Variants in TRAF5 observed in about 807,000 individuals in gnomAD.
TRAF5 encodes TNF receptor-associated factor 5.
Under a neutral mutation model 64.5 loss-of-function variants are expected in TRAF5, and 48 were observed. That is an observed-to-expected ratio of 0.74 (90% CI 0.59 to 0.95). The LOEUF (loss-of-function observed/expected upper bound fraction) is 0.95. Among genes scored for constraint, TRAF5 ranks in the 40% least tolerant of loss-of-function variants. The pLI is 0.00. For missense variants in TRAF5, 545 were observed against 662.8 expected (o/e 0.82, Z 1.95); for synonymous variants, 206 against 240.5 (o/e 0.86, Z 1.33).
intron 9 of TRAF5, 137 bp downstream of exon 9, chr1:211,369,729 G>T: frequency 9.9e-7 from 1 of 1,006,828 alleles, no homozygotes; most frequent in Non-Finnish European, 1.4e-6. Flanking sequence ...AAGAACACTT[G>T]TATAACCTCC....
chr1:211,358,159 CT>C (rs1414365368), intron 4 of TRAF5: 2 of 152,192 alleles, frequency 1.3e-5, no homozygotes, highest in African/African-American at 4.8e-5. Flanking sequence ...AAGGTTTTCA[CT>C]GAGATATGCC....
At position 211,371,316 on chromosome 1, in the gene TRAF5, C is replaced by T. The variant is rs1157936994; in HGVS notation, c.945C>T (p.His315=). The change falls in exon 10 of 11, where the codon CAC becomes CAT. Residue 315 remains histidine (H), a synonymous_variant. Coordinates refer to ENST00000261464, the MANE Select transcript of TRAF5 (RefSeq NM_001033910.3). ...FLPNIQVFAS[H]IDKSAWLEAQ... ...TGTAATGAAAGGTTTTTGCCAGTCA[C>T]ATTGACAAGTCAGCTTGGCTAGAAG... The T allele has an allele frequency of 1.3e-6, 2 of 1,587,298 alleles. No individual in the cohort carries two copies. The highest frequency in any genetic ancestry group is 1.2e-5 in the South Asian group (1 of 85,202).
intron 1 of TRAF5, among the ~76,000 whole-genome samples, chr1:211,339,982 C>T (rs1047851038): frequency 2.0e-5 from 3 of 152,168 alleles, no homozygotes; most frequent in East Asian, 1.9e-4. Context: ...GGTGGGGCAC[C>T]GCTAGAATGA....
intron 8 of TRAF5, 26 bp from the exon 9 acceptor site, chr1:211,369,426 A>AT (rs758786461): frequency 6.4e-7 from 1 of 1,561,972 alleles, no homozygotes; most frequent in Non-Finnish European, 8.6e-7. Context: ...CAGTGACTTT[A>AT]TTTTTCCTCA....
upstream of TRAF5, chr1:211,326,746 C>A (rs1480069888): frequency 2.0e-6 from 2 of 985,508 alleles, no homozygotes; most frequent in Non-Finnish European, 1.2e-6. This position sits in a 1 kb window ranked among gnomAD's most constrained non-coding sequence, Gnocchi z 5.0. Context: ...GTCCGCTCTT[C>A]CCCTGCGCCC....
chr1:211,339,014 T>TTGAG (rs2102719373), intron 1 of TRAF5, among the ~76,000 whole-genome samples: 1 of 152,290 alleles, frequency 6.6e-6, no homozygotes, highest in South Asian at 2.1e-4. Flanking sequence ...CATCAAGCCC[T>TTGAG]CCTGTTTGGT....
intron 3 of TRAF5, among the ~76,000 whole-genome samples, chr1:211,355,704 G>T (rs1702941093): frequency 6.6e-6 from 1 of 152,112 alleles, no homozygotes; most frequent in African/African-American, 2.4e-5. Context: ...TTTATGTAAT[G>T]GTGGGTGCAT....
intron 8 of TRAF5, 26 bp from the exon 9 acceptor site, chr1:211,369,422 CTTTA>C (rs1375809532): frequency 1.3e-6 from 2 of 1,559,462 alleles, no homozygotes; most frequent in Non-Finnish European, 1.7e-6. Context: ...TATTCAGTGA[CTTTA>C]TTTTTCCTCA....
chr1:211,368,789 G>C (rs1236626984), intron 8 of TRAF5: 1 of 152,142 alleles, frequency 6.6e-6, no homozygotes, highest in Non-Finnish European at 1.5e-5. Flanking sequence ...TTGCTGGCTT[G>C]TATGCTGGAT....
At position 211,341,467 on chromosome 1, in the gene TRAF5, G is replaced by A. The variant is rs113870288; in HGVS notation, c.-1-11772G>A. On this transcript the variant is annotated intron_variant, in intron 1 of 10. Transcript: ENST00000261464. ...CTAACATAATATGCTTTCCCAGGCT[G>A]TATATGGCCTCATATACCACATGCC... Among the ~76,000 whole-genome samples the A allele has an allele frequency of 3.8e-3, 580 of 152,352 alleles. 7 individuals are homozygous for A. Among genetic ancestry groups the A allele is most frequent in the African/African-American group, 0.013 (546 of 41,578 alleles).
intron 8 of TRAF5, among the ~76,000 whole-genome samples, chr1:211,368,057 G>A (rs572063523): frequency 6.6e-6 from 1 of 152,174 alleles, no homozygotes; most frequent in South Asian, 2.1e-4. Flanking sequence ...ATTTCCAAGA[G>A]GATGTACCCA....
intron 7 of TRAF5, among the ~76,000 whole-genome samples, chr1:211,363,323 C>G (rs1703246252): frequency 6.6e-6 from 1 of 152,114 alleles, no homozygotes; most frequent in Non-Finnish European, 1.5e-5. Flanking sequence ...ACCTGTAAGT[C>G]TATCATTAAA....
intron 1 of TRAF5, among the ~76,000 whole-genome samples, chr1:211,350,319 A>G (rs1436821965): frequency 4.6e-5 from 1 of 21,554 alleles, no homozygotes; most frequent in Non-Finnish European, 2.2e-4. Flanking sequence ...GGCTCAAGTG[A>G]TCCCCCCCTG....
intron 1 of TRAF5, among the ~76,000 whole-genome samples, chr1:211,338,449 A>G (rs1702363360): frequency 6.6e-6 from 1 of 152,184 alleles, no homozygotes; most frequent in South Asian, 2.1e-4. Context: ...CTCCACTCCC[A>G]TAATACAATA....
intron 8 of TRAF5, among the ~76,000 whole-genome samples, chr1:211,366,647 A>G (rs150919494): frequency 1.4e-4 from 22 of 152,292 alleles, no homozygotes; most frequent in African/African-American, 5.3e-4. Context: ...GTTGTGGAAG[A>G]AGGACATCCA....
At chr1:211,340,109 A>G (rs1269884773) in intron 1 of TRAF5, among the ~76,000 whole-genome samples, 1 of 151,944 alleles carries the variant, frequency 6.6e-6, no homozygotes, top group Non-Finnish European at 1.5e-5. Flanking sequence ...CCCTTTCTTC[A>G]GAGTACCCTG....
intron 1 of TRAF5, among the ~76,000 whole-genome samples, chr1:211,338,090 T>C (rs1702351673): frequency 1.3e-5 from 2 of 152,174 alleles, no homozygotes; most frequent in South Asian, 4.1e-4. Context: ...GAAGGTGACC[T>C]GGAAGCTGCC....
Position 211,372,113 on chromosome 1 carries a change from T to TTTC in TRAF5, c.1100-13_1100-12insCTT. 6.6e-7 allele frequency: 1 copy of TTTC among 1,521,078 alleles called. No homozygotes were observed. The highest frequency in any genetic ancestry group is 8.8e-7 in the Non-Finnish European group (1 of 1,136,688). The allele number at this position is 1,521,078 out of a possible 1,614,324, so 94.2% of individuals were successfully genotyped here. A position where few individuals can be genotyped will look rare whatever the true frequency, so the allele number is the denominator to read the frequency against. ...GGCCTATGGAATCTTTTTTTTTTTT[T>TTTC]TTTCTTATTTGCAGCCGTTTTAGAA... is the stretch of plus-strand genomic sequence containing the variant. On this transcript the variant is annotated splice_polypyrimidine_tract_variant and intron_variant, in intron 10 of 10. Coordinates refer to ENST00000261464, the MANE Select transcript of TRAF5 (RefSeq NM_001033910.3).
chr1:211,363,877 C>T (rs1364117942), intron 7 of TRAF5, among the ~76,000 whole-genome samples: 1 of 142,998 alleles, frequency 7.0e-6, no homozygotes, highest in Non-Finnish European at 1.5e-5. Flanking sequence ...TGCCATTGTA[C>T]TCCAGCCTGG....
Sources: allele counts gnomAD v4.1 joint callset (sites outside exome capture counted in the v4.1 genomes callset), GRCh38; gene constraint gnomAD v4.1.1; non-coding constraint Gnocchi (gnomAD v3.1); transcripts MANE v1.5; gene names NCBI Gene and HGNC (gene_info 2026-07-23, HGNC 2026-07-21).